HTR4: variants seen among roughly 807,000 people sequenced by gnomAD.
The protein encoded by HTR4 is 5-hydroxytryptamine (serotonin) receptor 4, G protein-coupled.
In HTR4, 16 loss-of-function variants were observed where a neutral mutation model predicts 36.8. That is an observed-to-expected ratio of 0.43 (90% CI 0.29 to 0.66). The LOEUF (loss-of-function observed/expected upper bound fraction) is 0.66. Ranked by LOEUF, HTR4 falls within the 30% of genes least tolerant of loss-of-function variation. The pLI, the probability that HTR4 is intolerant of heterozygous loss-of-function variation, is 0.13. For synonymous variants in HTR4, 189 were observed against 185.1 expected, an observed-to-expected ratio of 1.02 and a Z score of -0.17; for missense variants, 438 against 490.9, an observed-to-expected ratio of 0.89 and a Z score of 1.02.
intron 5 of HTR4, among the ~76,000 whole-genome samples, chr5:148,470,132 T>C (rs1755528445): frequency 6.6e-6 from 1 of 152,218 alleles, no homozygotes; most frequent in South Asian, 2.1e-4. Flanking sequence ...TCCTATTTGT[T>C]TGATGGTCAC....
intron 2 of HTR4, among the ~76,000 whole-genome samples, chr5:148,554,331 T>G (rs1346384533): frequency 6.6e-6 from 1 of 152,152 alleles, no homozygotes; most frequent in Non-Finnish European, 1.5e-5. Context: ...CGCCTCGGCC[T>G]CCCAAAGTGC....
intron 2 of HTR4, among the ~76,000 whole-genome samples, chr5:148,626,875 G>C (rs1373445177): frequency 6.6e-6 from 1 of 152,238 alleles, no homozygotes; most frequent in African/African-American, 2.4e-5. Flanking sequence ...CACTAAGTTA[G>C]CCAGCTTTCT....
intron 2 of HTR4, among the ~76,000 whole-genome samples, chr5:148,590,452 A>G (rs2127257652): frequency 6.6e-6 from 1 of 151,512 alleles, no homozygotes; most frequent in South Asian, 2.1e-4. Context: ...ATGCGCCACC[A>G]TGCTTGGCTA....
chr5:148,511,028 C>A (rs549912760), intron 5 of HTR4, among the ~76,000 whole-genome samples: 1 of 152,294 alleles, frequency 6.6e-6, no homozygotes, highest in East Asian at 1.9e-4. Context: ...TCTCCTGAAC[C>A]CACTCCATTT....
chr5:148,541,812 C>T (rs1000976833), intron 4 of HTR4, among the ~76,000 whole-genome samples: 4 of 152,098 alleles, frequency 2.6e-5, no homozygotes, highest in African/African-American at 4.8e-5. Flanking sequence ...TTTTCACATG[C>T]GTTTTCAGGA....
At chr5:148,624,361 G>A (rs1013509696) in intron 2 of HTR4, among the ~76,000 whole-genome samples, 6 of 152,148 alleles carry the variant, frequency 3.9e-5, no homozygotes, top group African/African-American at 1.4e-4. Flanking sequence ...ACCTCAATAT[G>A]AAATGCAGAT....
chr5:148,590,287 C>CTTTTTTTTTTTTTTTTTTTTTTTTT (rs779077579), intron 2 of HTR4, among the ~76,000 whole-genome samples: 1 of 33,334 alleles, frequency 3.0e-5, no homozygotes, highest in Non-Finnish European at 5.3e-5. Flanking sequence ...TTTTTCTTTT[C>CTTTTTTTTTTTTTTTTTTTTTTTTT]TTTTTTTTTT....
intron 5 of HTR4, among the ~76,000 whole-genome samples, chr5:148,512,602 G>A (rs567164877): frequency 6.6e-6 from 1 of 152,112 alleles, no homozygotes; most frequent in African/African-American, 2.4e-5. Context: ...GTTAGTACTT[G>A]TATCTTGTTT....
At chr5:148,515,306 T>C (rs1757689869) in intron 5 of HTR4, among the ~76,000 whole-genome samples, 1 of 152,182 alleles carries the variant, frequency 6.6e-6, no homozygotes, top group African/African-American at 2.4e-5. Flanking sequence ...CCTTTTATGC[T>C]ATTGTTTTCA....
chr5:148,516,312 C>CTTTTTTTTTTTT (rs954784476), intron 5 of HTR4, among the ~76,000 whole-genome samples: 7 of 76,476 alleles, frequency 9.2e-5, no homozygotes, highest in African/African-American at 1.5e-4. Context: ...ATTCCCCCCT[C>CTTTTTTTTTTTT]TTTTTTTTTT....
At chr5:148,638,628 C>T (rs1753626887) in intron 1 of HTR4, among the ~76,000 whole-genome samples, 1 of 152,098 alleles carries the variant, frequency 6.6e-6, no homozygotes, top group Admixed American at 6.5e-5. Context: ...TCATCTCCGA[C>T]ACAAAAACCT....
intron 1 of HTR4, among the ~76,000 whole-genome samples, chr5:148,651,763 A>G (rs1257507452): frequency 6.6e-6 from 1 of 151,356 alleles, no homozygotes; most frequent in East Asian, 1.9e-4. Context: ...ATATTTTTCA[A>G]TATTCAAAAA....
chr5:148,583,632 T>C (rs974497975), intron 2 of HTR4, among the ~76,000 whole-genome samples: 3 of 151,650 alleles, frequency 2.0e-5, no homozygotes, highest in Admixed American at 2.0e-4. Context: ...ATCATCATCA[T>C]CATCATCATC....
intron 2 of HTR4, chr5:148,629,075 T>TA (rs949262071): frequency 1.5e-4 from 23 of 152,138 alleles, no homozygotes; most frequent in Admixed American, 1.2e-3. Flanking sequence ...ATAAACTATG[T>TA]AAAAAATCTC....
intron 2 of HTR4, among the ~76,000 whole-genome samples, chr5:148,602,196 G>T (rs561832290): frequency 6.6e-6 from 1 of 152,212 alleles, no homozygotes; most frequent in South Asian, 2.1e-4. Flanking sequence ...GGTAAAGGTC[G>T]TGTCTATGGC....
Position 148,525,706 on chromosome 5 carries a change from C to T in HTR4, c.354-2360G>A, listed in dbSNP as rs542456185. 2.0e-5 allele frequency among the ~76,000 whole-genome samples: 3 copies of T among 152,306 alleles called. No individual in the cohort carries two copies. In the South Asian group the frequency reaches 6.2e-4, roughly 32 times the overall value. On this transcript the variant is annotated intron_variant, in intron 4 of 6. Transcript: ENST00000377888. Reference sequence around the variant, plus strand: ...TTAGCTCTCTCTTTAAATAAACCACCTCATATATTTCCAATAAATTCTCTT... The same window carrying T: ...TTAGCTCTCTCTTTAAATAAACCACTTCATATATTTCCAATAAATTCTCTT...
chr5:148,482,111 C>T lies in HTR4; in HGVS notation c.*1092G>A, dbSNP rs1272818936. On this transcript the variant is annotated 3_prime_UTR_variant, in exon 7 of 7. Coordinates refer to ENST00000377888, the MANE Select transcript of HTR4 (RefSeq NM_000870.7). ...CAGCTTGTTTGCAGCACAGCCAGGG[C>T]GGCAATTTGGGTCCTCTGGCTTCAA... The T allele has an allele frequency of 2.0e-6, 2 of 984,604 alleles. No individual in the cohort carries two copies. The highest frequency in any genetic ancestry group is 9.4e-5 in the South Asian group (2 of 21,282). The allele number at this position is 984,604 out of a possible 1,614,324, so 61.0% of individuals were successfully genotyped here.
intron 4 of HTR4, among the ~76,000 whole-genome samples, chr5:148,546,173 A>T (rs940744171): frequency 3.3e-5 from 5 of 152,204 alleles, no homozygotes; most frequent in Admixed American, 1.3e-4. Flanking sequence ...AAGTTTGATG[A>T]GAAAGATCAT....
intron 2 of HTR4, among the ~76,000 whole-genome samples, chr5:148,574,878 C>G (rs1760831374): frequency 6.6e-6 from 1 of 152,046 alleles, no homozygotes; most frequent in Admixed American, 6.6e-5. Context: ...ATAATTTTCT[C>G]TGGTTTCTGC....
Sources: gnomAD v4.1 joint callset for allele counts (sites outside exome capture counted in the v4.1 genomes callset) on GRCh38, gnomAD v4.1.1 for gene constraint, MANE v1.5 for transcripts, NCBI Gene and HGNC (gene_info 2026-07-23, HGNC 2026-07-21) for gene names.